Variants in MDGA2 observed in about 807,000 individuals in gnomAD.
The protein encoded by MDGA2 is MAM domain-containing glycosylphosphatidylinositol anchor protein 2.
A neutral mutation model predicts 117.8 loss-of-function variants in MDGA2; 40 were observed. The ratio of observed to expected loss-of-function variants is 0.34; its 90% CI spans 0.26 to 0.44. MDGA2 has a LOEUF of 0.44. Ranked by LOEUF, MDGA2 falls within the 20% of genes least tolerant of loss-of-function variation. The pLI is 1.00. For synonymous variants in MDGA2, 452 were observed against 439.0 expected (o/e 1.03, Z -0.37); for missense variants, 1,123 against 1,250.6 (o/e 0.90, Z 1.54).
At chr14:46,890,729 T>C (rs1244514297) in intron 10 of MDGA2, among the ~76,000 whole-genome samples, 4 of 152,080 alleles carry the variant, frequency 2.6e-5, no homozygotes, top group Non-Finnish European at 5.9e-5. Context: ...GCCTTGCAAG[T>C]ATACTTCAAG....
chr14:46,898,936 A>C (rs982455452), intron 10 of MDGA2, among the ~76,000 whole-genome samples: 5 of 152,104 alleles, frequency 3.3e-5, no homozygotes, highest in African/African-American at 1.2e-4. Context: ...GTTATTAATT[A>C]AAAAGAAAAC....
At chr14:47,659,755 T>A (rs1276905674) in intron 1 of MDGA2, among the ~76,000 whole-genome samples, 1 of 152,230 alleles carries the variant, frequency 6.6e-6, no homozygotes, top group Non-Finnish European at 1.5e-5. Context: ...GTGTACTATA[T>A]TCTATAAGTA....
intron 1 of MDGA2, among the ~76,000 whole-genome samples, chr14:47,442,867 T>A (rs1336972354): frequency 2.0e-5 from 3 of 152,118 alleles, no homozygotes; most frequent in African/African-American, 7.2e-5. Context: ...TTGAGTAGCA[T>A]GATAAAATCT....
intron 5 of MDGA2, among the ~76,000 whole-genome samples, chr14:47,115,744 G>C (rs1371213849): frequency 1.3e-5 from 2 of 151,910 alleles, no homozygotes; most frequent in African/African-American, 2.4e-5. Context: ...ACCCTTTCAT[G>C]ATAACACTCT....
chr14:47,003,954 C>T (rs1887623355), intron 8 of MDGA2, among the ~76,000 whole-genome samples: 1 of 151,752 alleles, frequency 6.6e-6, no homozygotes, highest in Non-Finnish European at 1.5e-5. Context: ...ATAAATTAGA[C>T]TGTATCAAAA....
chr14:47,433,034 A>T (rs1476698399), intron 1 of MDGA2, among the ~76,000 whole-genome samples: 1 of 152,084 alleles, frequency 6.6e-6, no homozygotes, highest in Non-Finnish European at 1.5e-5. Flanking sequence ...CCCTGTGGTC[A>T]CATGAGGAAG....
Position 47,144,234 on chromosome 14 carries a change from A to G in MDGA2, c.636T>C (p.Gly212=). The change falls in exon 4 of 17, where the codon GGT becomes GGC. Residue 212 remains glycine, a synonymous_variant. Coordinates refer to ENST00000399232, the MANE Select transcript of MDGA2 (RefSeq NM_001113498.3). ...CATAGTAAAATTGTTCTTTAGCTTC[A>G]CCTATACTTTGATGAACAGTTACTA... ...DPVVTVHQSI[G]EAKEQFYYER... 2 of 1,551,170 alleles carry G rather than the reference A, an allele frequency of 1.3e-6. No homozygotes were observed. The highest frequency in any genetic ancestry group is 2.4e-5 in the South Asian group (2 of 83,996).
chr14:47,499,589 T>C (rs183797500), intron 1 of MDGA2, among the ~76,000 whole-genome samples: 1 of 152,270 alleles, frequency 6.6e-6, no homozygotes, highest in Admixed American at 6.5e-5. Flanking sequence ...AGTGCAGTTG[T>C]CCTATAGCTC....
intron 1 of MDGA2, among the ~76,000 whole-genome samples, chr14:47,384,008 G>GATAGATAGATAGATAC (rs1891698690): frequency 8.5e-6 from 1 of 117,186 alleles, no homozygotes; most frequent in African/African-American, 2.9e-5. Flanking sequence ...TAGATAGATA[G>GATAGATAGATAGATAC]ATAGATAATA....
intron 1 of MDGA2, among the ~76,000 whole-genome samples, chr14:47,508,111 TC>T (rs1227193973): frequency 6.6e-6 from 1 of 152,198 alleles, no homozygotes; most frequent in Non-Finnish European, 1.5e-5. Flanking sequence ...ATGGAAGACT[TC>T]CAACATAAGG....
Position 47,301,456 on chromosome 14 carries a change from T to G in MDGA2, c.375A>C (p.Glu125Asp). The G allele has an allele frequency of 6.4e-7, 1 of 1,551,842 alleles. No individual in the cohort carries two copies. Residue 125 changes from glutamate to aspartate, a missense_variant, in exon 2 of 17, where the codon GAA becomes GAC. Around this residue, in one of 2 missense-constraint regions of MDGA2, gnomAD observed 233 missense variants for 200.3 expected, o/e 1.16. Transcript: ENST00000399232. ...SERVYTIREG[E>D]TLELTCLVTG... ...TGACTAGACAAGTCAACTCAAGGGTTTCTCCTTCCCGGATAGTGTAGACCC... is the reference window on the plus strand; with the variant it reads ...TGACTAGACAAGTCAACTCAAGGGTGTCTCCTTCCCGGATAGTGTAGACCC...
chr14:46,865,493 C>A (rs1196626920), intron 14 of MDGA2, among the ~76,000 whole-genome samples: 1 of 152,132 alleles, frequency 6.6e-6, no homozygotes, highest in Non-Finnish European at 1.5e-5. Flanking sequence ...GACAGGGATG[C>A]CCTCTCTCAC....
intron 2 of MDGA2, among the ~76,000 whole-genome samples, chr14:47,287,391 T>C (rs1337719730): frequency 1.3e-5 from 2 of 152,190 alleles, no homozygotes; most frequent in South Asian, 2.1e-4. Context: ...ATATTTATCA[T>C]GTTCCACTTA....
At chr14:46,990,156 T>C (rs1360240047) in intron 8 of MDGA2, among the ~76,000 whole-genome samples, 1 of 152,096 alleles carries the variant, frequency 6.6e-6, no homozygotes, top group Non-Finnish European at 1.5e-5. Flanking sequence ...ATAACAGTGC[T>C]TAACTCTTAG....
chr14:47,281,555 C>T (rs1888490606), intron 2 of MDGA2, among the ~76,000 whole-genome samples: 1 of 152,158 alleles, frequency 6.6e-6, no homozygotes, highest in African/African-American at 2.4e-5. Flanking sequence ...TGTCTGGTTG[C>T]ACCATTCTTA....
At chr14:47,517,889 G>T (rs760944204) in intron 1 of MDGA2, among the ~76,000 whole-genome samples, 9 of 152,098 alleles carry the variant, frequency 5.9e-5, no homozygotes, top group Non-Finnish European at 1.3e-4. Flanking sequence ...CTTAAATGTT[G>T]TGTGTCTTAA....
intron 1 of MDGA2, among the ~76,000 whole-genome samples, chr14:47,327,377 G>T (rs1890174779): frequency 6.6e-6 from 1 of 152,070 alleles, no homozygotes; most frequent in South Asian, 2.1e-4. Flanking sequence ...TAACAGTTTT[G>T]TCTTTGACAT....
At chr14:47,237,470 G>A (rs1886902317) in intron 2 of MDGA2, among the ~76,000 whole-genome samples, 2 of 151,952 alleles carry the variant, frequency 1.3e-5, no homozygotes, top group Non-Finnish European at 2.9e-5. Context: ...TAAAAATGAT[G>A]GCATATTTCT....
chr14:47,007,715 T>C (rs7151267), intron 8 of MDGA2, among the ~76,000 whole-genome samples: 145,113 of 151,822 alleles, frequency 0.96, 69,385 homozygotes, highest in African/African-American at 0.98. Flanking sequence ...AGTGCAAAAG[T>C]ACTGATACTT....
Sources: gnomAD v4.1 joint callset for allele counts (sites outside exome capture counted in the v4.1 genomes callset) on GRCh38, gnomAD v4.1.1 for gene constraint, gnomAD v4.1.1 regional missense constraint, MANE v1.5 for transcripts, NCBI Gene and HGNC (gene_info 2026-07-23, HGNC 2026-07-21) for gene names.